XIRP2: variants seen among roughly 807,000 people sequenced by gnomAD.
XIRP2 encodes xin actin-binding repeat-containing protein 2.
A neutral mutation model predicts 277.0 loss-of-function variants in XIRP2; 236 were observed. That is an observed-to-expected ratio of 0.85 (90% confidence interval 0.77 to 0.95). The LOEUF is 0.95. Among genes scored for constraint, XIRP2 ranks in the 40% least tolerant of loss-of-function variants. The probability of loss-of-function intolerance (pLI) is 0.00; values close to 1 mark genes in which losing one functional copy is unlikely to be tolerated. For missense variants in XIRP2, 4,640 were observed against 4,157.5 expected, an observed-to-expected ratio of 1.12 and a Z score of -3.19; for synonymous variants, 1,490 against 1,416.5, an observed-to-expected ratio of 1.05 and a Z score of -1.17.
intron 2 of XIRP2, among the ~76,000 whole-genome samples, chr2:167,085,394 T>G (rs967602956): frequency 6.7e-6 from 1 of 149,912 alleles, no homozygotes; most frequent in African/African-American, 2.4e-5. Flanking sequence ...AGGTGTGGTG[T>G]GGTGCTGAAA....
rs930186180 is a variant in XIRP2, at chr2:166,903,693, T to C, written c.211T>C (p.Trp71Arg). ...SLPYSTGEEM[W>R]SSKPEEKDSV... Reference sequence around the variant, plus strand: ...GCCCTACAGTACAGGGGAAGAGATGTGGAGTTCGAAGCCGGAAGAGAAGGA... The same window carrying C: ...GCCCTACAGTACAGGGGAAGAGATGCGGAGTTCGAAGCCGGAAGAGAAGGA... Residue 71 changes from tryptophan (W) to arginine (R), a missense_variant, in exon 2 of 11, where the codon TGG (tryptophan) becomes CGG (arginine). Transcript: ENST00000409195. 6.2e-7 allele frequency: 1 copy of C among 1,613,454 alleles called. No individual in the cohort carries two copies. The highest frequency in any genetic ancestry group is 8.5e-7 in the Non-Finnish European group (1 of 1,179,760).
chr2:166,965,332 C>T (rs1686402522), intron 2 of XIRP2, among the ~76,000 whole-genome samples: 1 of 151,912 alleles, frequency 6.6e-6, no homozygotes, highest in African/African-American at 2.4e-5. Context: ...TTGAATCAGT[C>T]CTTACTTTCT....
Position 167,119,368 on chromosome 2 carries a change from T to C in XIRP2, c.409-16541T>C, listed in dbSNP as rs144290960. ...ACAGTATCTCTCAGACAAATACAAA[T>C]GTAAAGTCAAAGATTTTATTTAACT... On this transcript the variant is annotated intron_variant, in intron 2 of 10. Transcript: ENST00000409195. Among the ~76,000 whole-genome samples the C allele has an allele frequency of 3.2e-3, 488 of 152,304 alleles. 2 individuals carry two copies. Among genetic ancestry groups the C allele is most frequent in the Admixed American group, 5.2e-3 (79 of 15,296 alleles).
At chr2:167,026,459 A>G (rs1311749745) in intron 2 of XIRP2, among the ~76,000 whole-genome samples, 1 of 152,122 alleles carries the variant, frequency 6.6e-6, no homozygotes, top group Non-Finnish European at 1.5e-5. Flanking sequence ...ATTGATATTT[A>G]AAGTTAATAT....
chr2:167,174,987 G>T (rs1316956350), intron 3 of XIRP2, among the ~76,000 whole-genome samples: 1 of 152,124 alleles, frequency 6.6e-6, no homozygotes, highest in African/African-American at 2.4e-5. Flanking sequence ...ATTTGCTGAG[G>T]AGTGTTTTAC....
intron 2 of XIRP2, among the ~76,000 whole-genome samples, chr2:166,968,663 T>A (rs925098501): frequency 1.3e-5 from 2 of 152,022 alleles, no homozygotes; most frequent in African/African-American, 4.8e-5. Flanking sequence ...TGGCACAATG[T>A]TCTTTTATAT....
At chr2:167,146,459 C>A (rs1351601249) in intron 3 of XIRP2, among the ~76,000 whole-genome samples, 1 of 151,234 alleles carries the variant, frequency 6.6e-6, no homozygotes, top group African/African-American at 2.4e-5. Context: ...TGAGATTCTG[C>A]CACTGTACTC....
intron 2 of XIRP2, among the ~76,000 whole-genome samples, chr2:167,009,683 A>C (rs1175921955): frequency 6.6e-6 from 1 of 152,040 alleles, no homozygotes; most frequent in Non-Finnish European, 1.5e-5. Flanking sequence ...TCCCACCAAC[A>C]GTGTAAAAGT....
chr2:166,987,640 A>T (rs1558939320), intron 2 of XIRP2, among the ~76,000 whole-genome samples: 1 of 152,226 alleles, frequency 6.6e-6, no homozygotes, highest in Non-Finnish European at 1.5e-5. Flanking sequence ...AGTAGCATCC[A>T]GATCTTGTTC....
chr2:167,129,496 A>G (rs1303897201), intron 2 of XIRP2, among the ~76,000 whole-genome samples: 1 of 152,156 alleles, frequency 6.6e-6, no homozygotes, highest in African/African-American at 2.4e-5. Flanking sequence ...ATTGGGTTGT[A>G]TTAAAGACTT....
chr2:167,128,752 TA>T (rs10717567), intron 2 of XIRP2, among the ~76,000 whole-genome samples: 50,612 of 151,926 alleles, frequency 0.33, 10,730 homozygotes, highest in African/African-American at 0.61. Context: ...CCTCCATCTG[TA>T]GTGTCCAGGA....
chr2:167,103,099 A>G (rs1482847292), intron 2 of XIRP2, among the ~76,000 whole-genome samples: 2 of 152,050 alleles, frequency 1.3e-5, no homozygotes, highest in Non-Finnish European at 2.9e-5. Context: ...AGATCGCGCC[A>G]CTACACTCCA....
In XIRP2 at chr2:166,954,217, A is replaced by T. The variant is rs76180047; in HGVS notation, c.408+50327A>T. On this transcript the variant is annotated intron_variant, in intron 2 of 10. Coordinates refer to ENST00000409195, the MANE Select transcript of XIRP2 (RefSeq NM_152381.6). ...TTCCATGATGTACAATTTTTGTCAA[A>T]ATATTAAGAACTGCTACTATCAACT... Among the ~76,000 whole-genome samples, 824 of 152,052 alleles carry T rather than the reference A, an allele frequency of 5.4e-3. 60 individuals are homozygous for T. In the East Asian group the frequency reaches 0.14, roughly 26 times the overall value.
chr2:166,921,189 T>C (rs558686875), intron 2 of XIRP2, among the ~76,000 whole-genome samples: 47 of 152,198 alleles, frequency 3.1e-4, no homozygotes, highest in African/African-American at 1.1e-3. Context: ...CCATATCGAA[T>C]CAACCACTGT....
At chr2:166,977,210 C>A (rs1267838192) in intron 2 of XIRP2, among the ~76,000 whole-genome samples, 1 of 152,086 alleles carries the variant, frequency 6.6e-6, no homozygotes, top group African/African-American at 2.4e-5. Flanking sequence ...CATGTGCAAG[C>A]ATTTGTCTTG....
chr2:167,230,725 C>T (rs1174741391), intron 5 of XIRP2, among the ~76,000 whole-genome samples: 4 of 151,944 alleles, frequency 2.6e-5, no homozygotes, highest in Non-Finnish European at 5.9e-5. Flanking sequence ...ACGGAAGAGC[C>T]GTGAAGAAAT....
chr2:167,148,109 C>T (rs896454555), intron 3 of XIRP2, among the ~76,000 whole-genome samples: 2 of 151,998 alleles, frequency 1.3e-5, no homozygotes, highest in Admixed American at 6.6e-5. Flanking sequence ...AGGCTGGGCA[C>T]GGTGGCTCAC....
At chr2:167,061,198 T>C (rs1029801727) in intron 2 of XIRP2, among the ~76,000 whole-genome samples, 7 of 152,208 alleles carry the variant, frequency 4.6e-5, no homozygotes, top group African/African-American at 1.7e-4. Flanking sequence ...GATACCTGTC[T>C]TTTCATCTGT....
At chr2:167,026,033 C>G (rs1199053744) in intron 2 of XIRP2, among the ~76,000 whole-genome samples, 6 of 152,066 alleles carry the variant, frequency 3.9e-5, no homozygotes, top group Non-Finnish European at 8.8e-5. Context: ...TCTCGTTGAT[C>G]TGTCTAATGT....
Sources: gnomAD v4.1 joint callset for allele counts (sites outside exome capture counted in the v4.1 genomes callset) on GRCh38, gnomAD v4.1.1 for gene constraint, MANE v1.5 for transcripts, NCBI Gene and HGNC (gene_info 2026-07-23, HGNC 2026-07-21) for gene names.